Variants in ST8SIA6 observed in about 807,000 individuals in gnomAD.
ST8SIA6 encodes ST8 alpha-N-acetyl-neuraminide alpha-2,8-sialyltransferase 6.
A neutral mutation model predicts 33.6 loss-of-function variants in ST8SIA6; 39 were observed. That is an observed-to-expected ratio of 1.16 (90% CI 0.90 to 1.52). The LOEUF (loss-of-function observed/expected upper bound fraction) is 1.52. Among genes scored for constraint, ST8SIA6 ranks in the 40% most tolerant of loss-of-function variants. The pLI, the probability that ST8SIA6 is intolerant of heterozygous loss-of-function variation, is 0.00. For missense variants in ST8SIA6, 441 were observed against 443.8 expected, an observed-to-expected ratio of 0.99 and a Z score of 0.06; for synonymous variants, 172 against 167.2, an observed-to-expected ratio of 1.03 and a Z score of -0.22.
At chr10:17,422,196 G>A (rs985754157) in intron 2 of ST8SIA6, among the ~76,000 whole-genome samples, 1 of 152,060 alleles carries the variant, frequency 6.6e-6, no homozygotes, top group Middle Eastern at 3.2e-3. Flanking sequence ...GAATATTGAA[G>A]AGCAAAATAA....
intron 2 of ST8SIA6, among the ~76,000 whole-genome samples, chr10:17,448,003 G>A (rs1485426337): frequency 2.0e-5 from 3 of 152,036 alleles, no homozygotes; most frequent in African/African-American, 7.2e-5. Context: ...GTTTGACCAT[G>A]TTGGCTGGGC....
chr10:17,373,753 T>C (rs61842088), intron 3 of ST8SIA6, among the ~76,000 whole-genome samples: 27,500 of 152,166 alleles, frequency 0.18, 2,629 homozygotes, highest in South Asian at 0.22. Flanking sequence ...TATTTCTCAA[T>C]GACTTTAAAT....
chr10:17,371,065 T>C (rs1849716770), intron 3 of ST8SIA6, among the ~76,000 whole-genome samples: 1 of 152,178 alleles, frequency 6.6e-6, no homozygotes, highest in South Asian at 2.1e-4. Context: ...TGGATTTGAT[T>C]TGAAGGTAGC....
At chr10:17,349,356 T>C (rs1848957957) in intron 4 of ST8SIA6, among the ~76,000 whole-genome samples, 1 of 152,250 alleles carries the variant, frequency 6.6e-6, no homozygotes, top group Non-Finnish European at 1.5e-5. Flanking sequence ...CTGTATTTAT[T>C]GCAGATACCA....
intron 6 of ST8SIA6, among the ~76,000 whole-genome samples, chr10:17,325,249 A>G (rs924276195): frequency 7.0e-6 from 1 of 143,814 alleles, no homozygotes; most frequent in African/African-American, 2.5e-5. Context: ...AGTATACAAT[A>G]TACTATATTA....
intron 1 of ST8SIA6, 130 bp from the exon 2 acceptor site, chr10:17,453,787 C>T (rs1853011809): frequency 3.1e-6 from 2 of 640,718 alleles, no homozygotes; most frequent in Non-Finnish European, 4.5e-6. Flanking sequence ...GGTCCCCAGC[C>T]CCAGAGTTGG....
At chr10:17,417,926 G>A (rs1851654712) in intron 2 of ST8SIA6, among the ~76,000 whole-genome samples, 1 of 152,216 alleles carries the variant, frequency 6.6e-6, no homozygotes, top group Non-Finnish European at 1.5e-5. Context: ...TGAGGAGGTA[G>A]GGGAGGGAGT....
At chr10:17,328,014 T>A (rs1216272802) in intron 5 of ST8SIA6, among the ~76,000 whole-genome samples, 2 of 152,198 alleles carry the variant, frequency 1.3e-5, no homozygotes, top group South Asian at 4.1e-4. Flanking sequence ...CACGGCATAA[T>A]GTAATAATAC....
chr10:17,331,637 G>T, intron 4 of ST8SIA6, 85 bp from the exon 5 acceptor site: 1 of 1,360,790 alleles, frequency 7.3e-7, no homozygotes, highest in Non-Finnish European at 9.7e-7. Flanking sequence ...TGCCGAAGAG[G>T]ATTTTGCCAA....
At chr10:17,447,157 G>A (rs942221606) in intron 2 of ST8SIA6, among the ~76,000 whole-genome samples, 1 of 152,078 alleles carries the variant, frequency 6.6e-6, no homozygotes, top group Admixed American at 6.6e-5. Flanking sequence ...TTCGGAGGCC[G>A]AGGGGGCTGG....
At chr10:17,344,616 C>G (rs60210176) in intron 4 of ST8SIA6, among the ~76,000 whole-genome samples, 4,866 of 152,270 alleles carry the variant, frequency 0.032, 260 homozygotes, top group African/African-American at 0.11. Context: ...AGGACACAGT[C>G]AAACCACATC....
rs548322145 is a variant in ST8SIA6, at chr10:17,396,454, A to G, written c.201-5834T>C. 2.6e-5 allele frequency among the ~76,000 whole-genome samples: 4 copies of G among 152,104 alleles called. No homozygotes were observed. The South Asian group carries it at 8.3e-4, about 32-fold the overall frequency. On this transcript the variant is annotated intron_variant, in intron 2 of 7. Coordinates refer to ENST00000377602, the MANE Select transcript of ST8SIA6 (RefSeq NM_001004470.3). ...CCACTGTTTCTTATTGTCTTTGCCTATTCTCTGGACTCCTAACTTCTCATT... is the reference window on the plus strand; with the variant it reads ...CCACTGTTTCTTATTGTCTTTGCCTGTTCTCTGGACTCCTAACTTCTCATT...
chr10:17,426,158 G>T (rs1050334352), intron 2 of ST8SIA6, among the ~76,000 whole-genome samples: 1 of 152,114 alleles, frequency 6.6e-6, no homozygotes, highest in African/African-American at 2.4e-5. Flanking sequence ...TCTTCACTCT[G>T]TTCCCAAGTG....
chr10:17,381,115 T>C (rs1040053234), intron 3 of ST8SIA6, among the ~76,000 whole-genome samples: 2 of 152,156 alleles, frequency 1.3e-5, no homozygotes, highest in Admixed American at 6.6e-5. Flanking sequence ...GAAACAGAGT[T>C]TACTCGGGTT....
chr10:17,421,537 G>A (rs954562538), intron 2 of ST8SIA6, among the ~76,000 whole-genome samples: 2 of 152,094 alleles, frequency 1.3e-5, no homozygotes, highest in African/African-American at 4.8e-5. Flanking sequence ...AGAATTAAAA[G>A]GATTCATACA....
chr10:17,350,463 A>G (rs2131607626), intron 4 of ST8SIA6, among the ~76,000 whole-genome samples: 1 of 152,220 alleles, frequency 6.6e-6, no homozygotes, highest in South Asian at 2.1e-4. Context: ...CTGAGGCGGG[A>G]GGATCGTTTG....
chr10:17,367,013 T>C (rs7067988), intron 3 of ST8SIA6, among the ~76,000 whole-genome samples: 31,094 of 152,136 alleles, frequency 0.2, 3,527 homozygotes, highest in East Asian at 0.51. Flanking sequence ...GCAATTTATT[T>C]ATGATGTTAG....
chr10:17,365,660 A>G (rs1027845823), intron 3 of ST8SIA6, among the ~76,000 whole-genome samples: 2 of 152,228 alleles, frequency 1.3e-5, no homozygotes, highest in African/African-American at 2.4e-5. Flanking sequence ...CATAGTATAC[A>G]TAGGGTTCTG....
intron 2 of ST8SIA6, among the ~76,000 whole-genome samples, chr10:17,440,291 C>T (rs1026587135): frequency 1.3e-4 from 19 of 150,826 alleles, no homozygotes; most frequent in South Asian, 2.1e-4. Context: ...ACTGCAACTC[C>T]GCCTCCCGGG....
Sources: allele counts gnomAD v4.1 joint callset (sites outside exome capture counted in the v4.1 genomes callset), GRCh38; gene constraint gnomAD v4.1.1; transcripts MANE v1.5; gene names NCBI Gene and HGNC (gene_info 2026-07-23, HGNC 2026-07-21).